Variants in WWOX observed in about 807,000 individuals in gnomAD.
WWOX encodes the protein WW domain containing oxidoreductase, also known as WW domain-containing oxidoreductase.
In WWOX, 69 loss-of-function variants were observed where a neutral mutation model predicts 46.2. That is an observed-to-expected ratio of 1.49 (90% confidence interval 1.23 to 1.82). WWOX has a LOEUF of 1.82. Ranked by LOEUF, WWOX falls within the 40% of genes most tolerant of loss-of-function variation. The probability of loss-of-function intolerance (pLI) is 0.00; values close to 1 mark genes in which losing one functional copy is unlikely to be tolerated. For missense variants in WWOX, 919 were observed against 542.6 expected (o/e 1.69, Z -6.89); for synonymous variants, 359 against 202.6 (o/e 1.77, Z -6.56).
chr16:78,757,357 CA>C (rs1401851187), intron 8 of WWOX, among the ~76,000 whole-genome samples: 1 of 152,062 alleles, frequency 6.6e-6, no homozygotes, highest in African/African-American at 2.4e-5. Context: ...AGCACCCCAG[CA>C]TGACCACCAT....
intron 8 of WWOX, among the ~76,000 whole-genome samples, chr16:78,598,161 G>C (rs1268561904): frequency 6.6e-6 from 1 of 152,106 alleles, no homozygotes; most frequent in Non-Finnish European, 1.5e-5. Context: ...ATCTATAATA[G>C]GAGGAACTGA....
chr16:78,802,949 A>AAAAC (rs2050934273), intron 8 of WWOX, among the ~76,000 whole-genome samples: 1 of 124,760 alleles, frequency 8.0e-6, no homozygotes, highest in Non-Finnish European at 1.7e-5. Flanking sequence ...AAAACAACAA[A>AAAAC]CAGAAAAATG....
chr16:78,208,926 A>C (rs4888763), intron 5 of WWOX, among the ~76,000 whole-genome samples: 1 of 152,124 alleles, frequency 6.6e-6, no homozygotes, highest in Non-Finnish European at 1.5e-5. Context: ...TTTTTTTTAG[A>C]TCTTTCCAAA....
chr16:78,624,346 A>C (rs992607762), intron 8 of WWOX, among the ~76,000 whole-genome samples: 1 of 152,074 alleles, frequency 6.6e-6, no homozygotes, highest in Non-Finnish European at 1.5e-5. Context: ...ACCAAACCCT[A>C]AATAATTGTC....
chr16:78,712,147 C>T (rs190387551), intron 8 of WWOX, among the ~76,000 whole-genome samples: 9 of 152,196 alleles, frequency 5.9e-5, no homozygotes, highest in Admixed American at 2.0e-4. Context: ...AGCCAATGTT[C>T]AATTGACTTC....
At chr16:78,737,980 C>T (rs1286837020) in intron 8 of WWOX, among the ~76,000 whole-genome samples, 1 of 152,174 alleles carries the variant, frequency 6.6e-6, no homozygotes, top group Non-Finnish European at 1.5e-5. Flanking sequence ...CAACATGAGT[C>T]CATGTGTTTT....
intron 8 of WWOX, among the ~76,000 whole-genome samples, chr16:78,584,270 C>T (rs1361268874): frequency 1.3e-5 from 2 of 152,190 alleles, no homozygotes; most frequent in African/African-American, 2.4e-5. Flanking sequence ...AAGTGCTTTA[C>T]ATCAGTTATT....
At chr16:78,963,946 A>G (rs1156422032) in intron 8 of WWOX, among the ~76,000 whole-genome samples, 1 of 152,138 alleles carries the variant, frequency 6.6e-6, no homozygotes, top group Non-Finnish European at 1.5e-5. Context: ...GATCCAATGA[A>G]TTTATCAGGG....
Position 78,774,394 on chromosome 16 carries a change from T to A in WWOX, c.1056+341642T>A, listed in dbSNP as rs117302875. On this transcript the variant is annotated intron_variant, in intron 8 of 8. Transcript: ENST00000566780. ...CCAGTCTGGTGACAGAGCGAGACAA[T>A]GTCTCAAAAAAAAAGAAAGAGTTCT... Among the ~76,000 whole-genome samples, 214 of 152,018 alleles carry A rather than the reference T, an allele frequency of 1.4e-3. 1 individual carries two copies. The highest frequency in any genetic ancestry group is 3.4e-3 in the Middle Eastern group (1 of 294).
At chr16:79,044,809 A>T (rs777282856) in intron 8 of WWOX, among the ~76,000 whole-genome samples, 2 of 151,874 alleles carry the variant, frequency 1.3e-5, no homozygotes, top group Admixed American at 1.3e-4. Flanking sequence ...TTAAAGTCCA[A>T]CCTCAAGGCC....
intron 8 of WWOX, among the ~76,000 whole-genome samples, chr16:78,790,586 C>A (rs1012534003): frequency 6.6e-6 from 1 of 152,182 alleles, no homozygotes; most frequent in African/African-American, 2.4e-5. Context: ...TAAGCAGAAA[C>A]TGAAAAGAGG....
At position 78,831,263 on chromosome 16, in the gene WWOX, G is replaced by C. The variant is rs1380451870; in HGVS notation, c.1057-380345G>C. 2.6e-5 allele frequency among the ~76,000 whole-genome samples: 4 copies of C among 152,280 alleles called. No homozygotes were observed. The South Asian group carries it at 8.3e-4, about 32-fold the overall frequency. ...TTCCCCCTTTATAAGCTGTGTCTTA[G>C]CTAGTGCTTTCAGCAAAGAATATCT... is the stretch of plus-strand genomic sequence containing the variant. On this transcript the variant is annotated intron_variant, in intron 8 of 8. Transcript: ENST00000566780.
chr16:78,131,849 G>A (rs2033606623), intron 4 of WWOX, among the ~76,000 whole-genome samples: 1 of 150,850 alleles, frequency 6.6e-6, no homozygotes, highest in African/African-American at 2.4e-5. Flanking sequence ...CTCCCAAAGT[G>A]CTGGGATTAC....
chr16:78,481,980 C>G (rs565910186), intron 8 of WWOX, among the ~76,000 whole-genome samples: 1 of 152,222 alleles, frequency 6.6e-6, no homozygotes, highest in African/African-American at 2.4e-5. Flanking sequence ...GCCTAGCTGT[C>G]TGCATTTCTG....
intron 5 of WWOX, among the ~76,000 whole-genome samples, chr16:78,215,521 C>T (rs1466711839): frequency 5.3e-5 from 8 of 152,188 alleles, no homozygotes; most frequent in Non-Finnish European, 7.3e-5. Flanking sequence ...TGCCTTCTGC[C>T]ATGATTGTAA....
At chr16:78,337,461 A>G (rs982180859) in intron 5 of WWOX, among the ~76,000 whole-genome samples, 1 of 152,166 alleles carries the variant, frequency 6.6e-6, no homozygotes, top group East Asian at 1.9e-4. Flanking sequence ...ATTTGCTACA[A>G]TTAATAAACC....
At chr16:78,804,245 ATAAATTCTGAGGGCT>A (rs1567571878) in intron 8 of WWOX, among the ~76,000 whole-genome samples, 1 of 152,114 alleles carries the variant, frequency 6.6e-6, no homozygotes, top group Non-Finnish European at 1.5e-5. Flanking sequence ...GCCCTCACTA[ATAAATTCTGAGGGCT>A]GACACTGCCT....
chr16:79,112,344 A>C (rs2049433195), intron 8 of WWOX, among the ~76,000 whole-genome samples: 1 of 152,132 alleles, frequency 6.6e-6, no homozygotes, highest in Non-Finnish European at 1.5e-5. Context: ...AATATTTTTG[A>C]GGCTCATGAC....
At chr16:78,181,349 G>A (rs908350111) in intron 5 of WWOX, among the ~76,000 whole-genome samples, 7 of 152,174 alleles carry the variant, frequency 4.6e-5, no homozygotes, top group African/African-American at 1.7e-4. Context: ...TAGAAAGGAG[G>A]AAATTAGAAT....
Sources: allele counts gnomAD v4.1 joint callset (sites outside exome capture counted in the v4.1 genomes callset), GRCh38; gene constraint gnomAD v4.1.1; transcripts MANE v1.5; gene names NCBI Gene and HGNC (gene_info 2026-07-23, HGNC 2026-07-21).